Variants in TSPAN15 observed in about 807,000 individuals in gnomAD.
The protein encoded by TSPAN15 is tetraspanin 15.
A neutral mutation model predicts 34.5 loss-of-function variants in TSPAN15; 20 were observed. That is an observed-to-expected ratio of 0.58 (90% CI 0.41 to 0.84). The LOEUF (loss-of-function observed/expected upper bound fraction) is 0.84, where lower values mean the gene tolerates loss of function less well. Ranked by LOEUF, TSPAN15 falls within the 40% of genes least tolerant of loss-of-function variation. TSPAN15 has a pLI of 0.00. For synonymous variants in TSPAN15, 155 were observed against 153.9 expected (o/e 1.01, Z -0.05); for missense variants, 313 against 386.1 (o/e 0.81, Z 1.59).
intron 1 of TSPAN15, among the ~76,000 whole-genome samples, chr10:69,478,402 G>A (rs969492205): frequency 2.0e-5 from 3 of 152,150 alleles, no homozygotes; most frequent in African/African-American, 7.2e-5. Context: ...GGTCCAACAC[G>A]GAGCCCTGGA....
At chr10:69,505,509 A>G (rs2133166060) in intron 6 of TSPAN15, among the ~76,000 whole-genome samples, 1 of 152,092 alleles carries the variant, frequency 6.6e-6, no homozygotes, top group East Asian at 1.9e-4. Context: ...ATCATTCCTT[A>G]ATTTACCTAG....
At chr10:69,548,706 A>G in the TSPAN15 span, among the ~76,000 whole-genome samples, 5 of 149,198 alleles carry the variant, frequency 3.4e-5, no homozygotes, top group Middle Eastern at 3.4e-3. Context: ...TTTCAGAAAC[A>G]TGCATAGAGC....
intron 1 of TSPAN15, among the ~76,000 whole-genome samples, chr10:69,452,578 T>C (rs1398622033): frequency 6.6e-6 from 1 of 152,168 alleles, no homozygotes; most frequent in East Asian, 1.9e-4. Context: ...GTATGGTGCC[T>C]AGTGAAGAGC....
At chr10:69,540,334 G>T in the TSPAN15 span, among the ~76,000 whole-genome samples, 17 of 152,344 alleles carry the variant, frequency 1.1e-4, no homozygotes, top group African/African-American at 4.1e-4. Flanking sequence ...GGCAAAGCTT[G>T]CAGTGAGCTG....
chr10:69,487,240 C>G (rs1014519478), intron 3 of TSPAN15, among the ~76,000 whole-genome samples: 1 of 152,214 alleles, frequency 6.6e-6, no homozygotes, highest in Non-Finnish European at 1.5e-5. Flanking sequence ...AGTGGCTTCT[C>G]CACTCATACA....
At chr10:69,538,955 C>A in the TSPAN15 span, among the ~76,000 whole-genome samples, 1 of 149,070 alleles carries the variant, frequency 6.7e-6, no homozygotes, top group Non-Finnish European at 1.5e-5. Flanking sequence ...AAAGAAGGGA[C>A]AGAGAGATTC....
chr10:69,513,619 T>C, the TSPAN15 span, among the ~76,000 whole-genome samples: 18 of 152,372 alleles, frequency 1.2e-4, no homozygotes, highest in Non-Finnish European at 2.4e-4. Flanking sequence ...TCTGGTGTCA[T>C]AGCTAAGAAA....
At chr10:69,525,838 T>C in the TSPAN15 span, among the ~76,000 whole-genome samples, 237 of 138,714 alleles carry the variant, frequency 1.7e-3, 61 homozygotes, top group East Asian at 0.058. Flanking sequence ...AAAAAAACTA[T>C]TCAACCTAAG....
intron 1 of TSPAN15, among the ~76,000 whole-genome samples, chr10:69,474,280 C>T (rs980677763): frequency 1.3e-5 from 2 of 152,142 alleles, no homozygotes; most frequent in Admixed American, 1.3e-4. Flanking sequence ...TCCCATACCC[C>T]TTCCCTGGAA....
At chr10:69,518,812 A>T in the TSPAN15 span, among the ~76,000 whole-genome samples, 1 of 152,204 alleles carries the variant, frequency 6.6e-6, no homozygotes, top group African/African-American at 2.4e-5. Context: ...TTCAATGCTT[A>T]TAGAGAAACA....
intron 1 of TSPAN15, among the ~76,000 whole-genome samples, chr10:69,463,218 A>G (rs541645308): frequency 6.6e-6 from 1 of 152,188 alleles, no homozygotes; most frequent in Non-Finnish European, 1.5e-5. Context: ...GGCCTGTGAT[A>G]ATTTTTCCTC....
intron 1 of TSPAN15, among the ~76,000 whole-genome samples, chr10:69,456,443 A>G (rs1310376345): frequency 6.6e-6 from 1 of 152,134 alleles, no homozygotes; most frequent in South Asian, 2.1e-4. Context: ...TTTAAAGTAT[A>G]TATTTTTTAT....
chr10:69,528,032 C>T, the TSPAN15 span, among the ~76,000 whole-genome samples: 10 of 148,270 alleles, frequency 6.7e-5, no homozygotes, highest in Non-Finnish European at 1.0e-4. Context: ...AAGTTTTGCT[C>T]GGGCTCACTT....
At chr10:69,518,859 A>G in the TSPAN15 span, among the ~76,000 whole-genome samples, 1 of 152,180 alleles carries the variant, frequency 6.6e-6, no homozygotes, top group Non-Finnish European at 1.5e-5. Flanking sequence ...GGGAGGAGGC[A>G]CCCAGGCCCT....
the TSPAN15 span, among the ~76,000 whole-genome samples, chr10:69,513,297 C>G: frequency 1.7e-3 from 265 of 152,168 alleles, 2 homozygotes; most frequent in Non-Finnish European, 1.2e-3. Flanking sequence ...TTTGACAACT[C>G]TTTGTATATG....
At chr10:69,519,794 G>A in the TSPAN15 span, among the ~76,000 whole-genome samples, 5 of 152,012 alleles carry the variant, frequency 3.3e-5, no homozygotes, top group Admixed American at 2.0e-4. Flanking sequence ...GTGCAATGGC[G>A]TGATCTCGGC....
chr10:69,539,461 AAGGAGAAGG>A, the TSPAN15 span, among the ~76,000 whole-genome samples: 482 of 48,818 alleles, frequency 9.9e-3, 27 homozygotes, highest in African/African-American at 0.034. Context: ...GAAGAAGAAG[AAGGAGAAGG>A]AGAAGGAGAA....
the TSPAN15 span, among the ~76,000 whole-genome samples, chr10:69,536,544 C>T: frequency 0.19 from 28,766 of 152,056 alleles, 2,988 homozygotes; most frequent in East Asian, 0.29. Flanking sequence ...TATTTTCTCC[C>T]AATTTTGGAG....
At chr10:69,539,828 G>A in the TSPAN15 span, among the ~76,000 whole-genome samples, 1 of 152,216 alleles carries the variant, frequency 6.6e-6, no homozygotes, top group South Asian at 2.1e-4. Context: ...GCAAGAAGAT[G>A]GGAAAGAGTG....
Sources: allele counts gnomAD v4.1 joint callset (sites outside exome capture counted in the v4.1 genomes callset), GRCh38; gene constraint gnomAD v4.1.1; transcripts MANE v1.5; gene names NCBI Gene and HGNC (gene_info 2026-07-23, HGNC 2026-07-21).